MAST4: variants seen among roughly 807,000 people sequenced by gnomAD.
MAST4 encodes microtubule associated serine/threonine kinase family member 4.
In MAST4, 89 loss-of-function variants were observed where a neutral mutation model predicts 162.7. The observed-to-expected ratio is 0.55, with a 90% confidence interval of 0.46 to 0.65. MAST4 has a LOEUF of 0.65. MAST4 is among the 30% of genes least tolerant of loss of function. The pLI, the probability that MAST4 is intolerant of heterozygous loss-of-function variation, is 0.00. For synonymous variants in MAST4, 1,479 were observed against 1,361.1 expected, an observed-to-expected ratio of 1.09 and a Z score of -1.91; for missense variants, 3,153 against 3,374.0, an observed-to-expected ratio of 0.93 and a Z score of 1.62.
chr5:67,152,536 G>T, intron 24 of MAST4, 101 bp from the exon 25 acceptor site: 1 of 851,300 alleles, frequency 1.2e-6, no homozygotes, highest in South Asian at 1.5e-5. Flanking sequence ...TTTGTGTTGT[G>T]ACTATGCCCC....
At chr5:67,033,313 C>CTGTG (rs1360368682) in intron 4 of MAST4, among the ~76,000 whole-genome samples, 1 of 70,240 alleles carries the variant, frequency 1.4e-5, no homozygotes, top group African/African-American at 1.0e-4. Context: ...GTTTTCATTT[C>CTGTG]TCTGTGTGTG....
At chr5:66,757,689 G>A (rs1345152382) in intron 1 of MAST4, among the ~76,000 whole-genome samples, 1 of 152,186 alleles carries the variant, frequency 6.6e-6, no homozygotes, top group African/African-American at 2.4e-5. Context: ...CCCCGTGCAT[G>A]TGTGAAGAGG....
intron 1 of MAST4, among the ~76,000 whole-genome samples, chr5:66,686,492 A>G (rs1026499956): frequency 6.6e-6 from 1 of 152,224 alleles, no homozygotes; most frequent in Non-Finnish European, 1.5e-5. Flanking sequence ...AGCTATTTTA[A>G]TAAGACTTGA....
intron 1 of MAST4, among the ~76,000 whole-genome samples, chr5:66,597,227 G>T (rs1306621912): frequency 2.0e-5 from 3 of 152,220 alleles, no homozygotes; most frequent in Non-Finnish European, 4.4e-5. Flanking sequence ...CCGTGTGTGT[G>T]TCTCAGTGTG....
chr5:66,699,102 C>T (rs1212907532), intron 1 of MAST4, among the ~76,000 whole-genome samples: 2 of 152,170 alleles, frequency 1.3e-5, no homozygotes, highest in African/African-American at 2.4e-5. Context: ...ATCCAGTCCC[C>T]ATCTTCCACC....
chr5:66,718,802 C>G (rs1439269727), intron 1 of MAST4, among the ~76,000 whole-genome samples: 1 of 152,168 alleles, frequency 6.6e-6, no homozygotes, highest in African/African-American at 2.4e-5. Flanking sequence ...CCCTCTTGTT[C>G]CCTCTCGAGC....
At chr5:67,094,950 A>G (rs1222764469) in intron 6 of MAST4, among the ~76,000 whole-genome samples, 8 of 152,166 alleles carry the variant, frequency 5.3e-5, no homozygotes, top group Admixed American at 3.9e-4. Flanking sequence ...GCTGGGCTGC[A>G]TGCTCAAAGA....
chr5:66,873,689 A>G (rs1160053314), intron 3 of MAST4, among the ~76,000 whole-genome samples: 1 of 152,188 alleles, frequency 6.6e-6, no homozygotes, highest in East Asian at 1.9e-4. Context: ...TTTCTCATCT[A>G]TGAGGAGAGT....
Position 66,741,516 on chromosome 5 carries a change from A to G in MAST4, c.364-18193A>G, listed in dbSNP as rs775957541. Among the ~76,000 whole-genome samples, 3 of 152,194 alleles carry G rather than the reference A, an allele frequency of 2.0e-5. No homozygotes were observed. The South Asian group carries it at 6.2e-4, about 31-fold the overall frequency. On this transcript the variant is annotated intron_variant, in intron 1 of 28. Coordinates refer to ENST00000403625, the MANE Select transcript of MAST4 (RefSeq NM_001164664.2). ...AGTAGGCAGCATGTAGACACAACAT[A>G]AAGAACGAGTGTGGCTGTGGTCCAA...
intron 5 of MAST4, among the ~76,000 whole-genome samples, chr5:67,075,072 C>A (rs1049068220): frequency 1.3e-5 from 2 of 151,706 alleles, no homozygotes; most frequent in Admixed American, 6.6e-5. Context: ...TAGTGCTGGG[C>A]ATATGCTACT....
At chr5:66,608,838 T>G (rs141733074) in intron 1 of MAST4, among the ~76,000 whole-genome samples, 90 of 152,200 alleles carry the variant, frequency 5.9e-4, no homozygotes, top group Non-Finnish European at 1.1e-3. Context: ...CGAGTCTTCT[T>G]CTCAGTACAG....
At chr5:66,644,041 A>T (rs1745659393) in intron 1 of MAST4, among the ~76,000 whole-genome samples, 1 of 86,302 alleles carries the variant, frequency 1.2e-5, no homozygotes, top group Non-Finnish European at 2.3e-5. Context: ...TTCATCTGTA[A>T]GCTTTAAAAA....
intron 1 of MAST4, among the ~76,000 whole-genome samples, chr5:66,659,764 A>T (rs1339231717): frequency 6.6e-6 from 1 of 152,258 alleles, no homozygotes; most frequent in East Asian, 1.9e-4. Context: ...AGAGATCCAT[A>T]AATAAGTAAT....
chr5:67,104,346 T>C lies in MAST4; in HGVS notation c.1147-20T>C, dbSNP rs374643637. 1.3e-5 allele frequency: 20 copies of C among 1,559,816 alleles called. No individual in the cohort carries two copies. Among genetic ancestry groups the C allele is most frequent in the East Asian group, 1.1e-4 (5 of 44,608 alleles). ...TGTTTCCTCGTATTACATCTGTGTA[T>C]GTGTGTCTTCTCTATATAGGCTACA... is the stretch of plus-strand genomic sequence containing the variant. On this transcript the variant is annotated intron_variant, in intron 9 of 28. Transcript: ENST00000403625.
At chr5:66,613,704 G>A (rs2149397530) in intron 1 of MAST4, among the ~76,000 whole-genome samples, 1 of 152,296 alleles carries the variant, frequency 6.6e-6, no homozygotes, top group Admixed American at 6.5e-5. Context: ...AGCAGAGCCT[G>A]TGATTTTATA....
At chr5:66,980,028 T>C (rs1748593373) in intron 4 of MAST4, among the ~76,000 whole-genome samples, 2 of 152,218 alleles carry the variant, frequency 1.3e-5, no homozygotes, top group South Asian at 4.1e-4. Flanking sequence ...GTAGAAGTTA[T>C]CTGAGGAAGA....
At chr5:66,797,277 G>A (rs560626206) in intron 3 of MAST4, among the ~76,000 whole-genome samples, 19 of 152,252 alleles carry the variant, frequency 1.2e-4, no homozygotes, top group Non-Finnish European at 2.2e-4. Flanking sequence ...TCCTGTCTTG[G>A]GAAAAATGAA....
intron 5 of MAST4, among the ~76,000 whole-genome samples, chr5:67,080,408 A>C (rs12653197): frequency 6.6e-6 from 1 of 152,272 alleles, no homozygotes; most frequent in South Asian, 2.1e-4. Context: ...ACACCTTGCA[A>C]TAGTAACTGT....
intron 5 of MAST4, among the ~76,000 whole-genome samples, chr5:67,069,181 G>A (rs76096987): frequency 0.043 from 6,560 of 150,954 alleles, 416 homozygotes; most frequent in African/African-American, 0.14. Flanking sequence ...TATATTTCAG[G>A]TTAATTTTCT....
Sources: allele counts gnomAD v4.1 joint callset (sites outside exome capture counted in the v4.1 genomes callset), GRCh38; gene constraint gnomAD v4.1.1; transcripts MANE v1.5; gene names NCBI Gene and HGNC (gene_info 2026-07-23, HGNC 2026-07-21).